The following ZNF718 variants were observed in gnomAD, a reference collection of about 807,000 sequenced individuals.
ZNF718 encodes the protein zinc finger protein 718.
A neutral mutation model predicts 2.6 loss-of-function variants in ZNF718; 3 were observed. The ratio of observed to expected loss-of-function variants is 1.16; its 90% CI spans 0.53 to 3.01. The LOEUF (loss-of-function observed/expected upper bound fraction) is 3.01, where lower values mean the gene tolerates loss of function less well. Ranked by LOEUF, ZNF718 falls within the 30% of genes most tolerant of loss-of-function variation. The pLI is 0.03. For missense variants in ZNF718, 468 were observed against 230.0 expected (o/e 2.03, Z -6.69); for synonymous variants, 135 against 77.9 (o/e 1.73, Z -3.86).
chr4:144,443 A>G (rs985468707), intron 3 of ZNF718, among the ~76,000 whole-genome samples: 6 of 152,098 alleles, frequency 3.9e-5, no homozygotes, highest in East Asian at 1.9e-4. Context: ...TTCAAATACT[A>G]TGATTCCTCC....
At chr4:135,963 T>C (rs981726365) in intron 3 of ZNF718, among the ~76,000 whole-genome samples, 6 of 151,992 alleles carry the variant, frequency 3.9e-5, no homozygotes, top group Non-Finnish European at 8.8e-5. Context: ...ACAATGATTA[T>C]AATTTCTGTA....
chr4:169,132 G>T (rs1199045728), downstream of ZNF718, among the ~76,000 whole-genome samples: 1 of 152,180 alleles, frequency 6.6e-6, no homozygotes, highest in Admixed American at 6.5e-5. Context: ...TTCAGGAGCA[G>T]GTTGTTCAGT....
intron 3 of ZNF718, among the ~76,000 whole-genome samples, chr4:185,977 G>C (rs535848142): frequency 1.3e-5 from 2 of 152,022 alleles, no homozygotes; most frequent in Non-Finnish European, 2.9e-5. Flanking sequence ...TTTAACTGGG[G>C]CACTTAACCT....
At chr4:181,464 T>G (rs1717461730) in intron 3 of ZNF718, among the ~76,000 whole-genome samples, 1 of 152,096 alleles carries the variant, frequency 6.6e-6, no homozygotes, top group South Asian at 2.1e-4. Flanking sequence ...TTTTATTTTG[T>G]GTGGTTTGAG....
At chr4:180,862 T>C (rs1717449322) in intron 3 of ZNF718, among the ~76,000 whole-genome samples, 1 of 152,218 alleles carries the variant, frequency 6.6e-6, no homozygotes, top group African/African-American at 2.4e-5. Flanking sequence ...GTTGCATTGG[T>C]AAATTATTGT....
chr4:185,590 T>C lies in ZNF718; in HGVS notation c.227-15491T>C, dbSNP rs114041483. 6.0e-3 allele frequency among the ~76,000 whole-genome samples: 907 copies of C among 152,278 alleles called. 9 individuals carry two copies. Among genetic ancestry groups the C allele is most frequent in the African/African-American group, 0.02 (843 of 41,572 alleles). On this transcript the variant is annotated intron_variant and NMD_transcript_variant, in intron 3 of 4. Coordinates refer to the ZNF718 transcript ENST00000642529. ...CTATCTTGATGTCTAATATTATCAA[T>C]GGCTTGTTAAAGTACCCCACTACTA...
downstream of ZNF718, among the ~76,000 whole-genome samples, chr4:165,131 G>T (rs1223807391): frequency 6.6e-6 from 1 of 152,042 alleles, no homozygotes; most frequent in African/African-American, 2.4e-5. Flanking sequence ...CTCCTGATTT[G>T]TGTTAGTTTT....
intron 3 of ZNF718, among the ~76,000 whole-genome samples, chr4:155,946 A>G (rs79876548): frequency 0.013 from 1,935 of 152,234 alleles, 47 homozygotes; most frequent in African/African-American, 0.044. Flanking sequence ...GGTTTTTCCC[A>G]TACTGTTTTT....
At chr4:151,795 G>A (rs541264845) in intron 3 of ZNF718, among the ~76,000 whole-genome samples, 41 of 151,738 alleles carry the variant, frequency 2.7e-4, no homozygotes, top group African/African-American at 9.4e-4. Context: ...AAGGTGGGAC[G>A]AGAGATTTGG....
At chr4:156,023 A>G (rs1421791959) in intron 3 of ZNF718, among the ~76,000 whole-genome samples, 1 of 152,064 alleles carries the variant, frequency 6.6e-6, no homozygotes, top group Non-Finnish European at 1.5e-5. Flanking sequence ...TTTGGTTCTT[A>G]TTCTCTTTCG....
intron 1 of ZNF718, 46 bp from the exon 2 acceptor site, chr4:130,741 TA>T (rs1230301067): frequency 0.12 from 26,124 of 214,804 alleles, 1 homozygote; most frequent in South Asian, 0.14. Flanking sequence ...GACTCCGTAT[TA>T]AAAAAAAAAA....
chr4:126,440 C>T (rs147201810), intron 1 of ZNF718, among the ~76,000 whole-genome samples: 1 of 152,154 alleles, frequency 6.6e-6, no homozygotes, highest in Admixed American at 6.5e-5. Flanking sequence ...TTATCTAGGA[C>T]TTGGGAACTA....
In ZNF718 at chr4:169,738, T is replaced by C. The variant is rs547374455; in HGVS notation, c.227-31343T>C. 2.6e-5 allele frequency among the ~76,000 whole-genome samples: 4 copies of C among 152,300 alleles called. No individual in the cohort carries two copies. In the South Asian group the frequency reaches 8.3e-4, roughly 32 times the overall value. On this transcript the variant is annotated intron_variant and NMD_transcript_variant, in intron 3 of 4. Transcript: ENST00000642529. Reference sequence around the variant, plus strand: ...CATCCCTTTATTTTGAGCGTATGTGTGCCTCTGCACGTGAGATGGGTTTCC... The same window carrying C: ...CATCCCTTTATTTTGAGCGTATGTGCGCCTCTGCACGTGAGATGGGTTTCC...
chr4:184,545 T>A (rs781815380), intron 3 of ZNF718, among the ~76,000 whole-genome samples: 3 of 152,032 alleles, frequency 2.0e-5, no homozygotes, highest in Non-Finnish European at 4.4e-5. Flanking sequence ...TAGGGAGGAG[T>A]CTGTCATTTT....
At chr4:196,848 G>C (rs1295543702) in intron 3 of ZNF718, among the ~76,000 whole-genome samples, 1 of 151,980 alleles carries the variant, frequency 6.6e-6, no homozygotes, top group Non-Finnish European at 1.5e-5. Flanking sequence ...TTAACTGGCT[G>C]ACAGGTGCCC....
intron 3 of ZNF718, among the ~76,000 whole-genome samples, chr4:145,019 C>T (rs1173537731): frequency 2.6e-5 from 4 of 150,988 alleles, no homozygotes; most frequent in African/African-American, 9.8e-5. Context: ...ATGGAATATT[C>T]TTTTTCATCT....
At chr4:146,795 T>C (rs1397056365) in intron 3 of ZNF718, among the ~76,000 whole-genome samples, 2 of 151,482 alleles carry the variant, frequency 1.3e-5, no homozygotes, top group African/African-American at 4.8e-5. Flanking sequence ...TATAGCTGAG[T>C]CTCCTGTTAA....
chr4:169,797 A>T (rs1173542853), intron 3 of ZNF718, among the ~76,000 whole-genome samples: 1 of 152,032 alleles, frequency 6.6e-6, no homozygotes, highest in African/African-American at 2.4e-5. Context: ...TTGACTCTTT[A>T]TCCAATTTGC....
chr4:167,285 G>T (rs1185830543), downstream of ZNF718, among the ~76,000 whole-genome samples: 1 of 152,172 alleles, frequency 6.6e-6, no homozygotes, highest in Non-Finnish European at 1.5e-5. Context: ...CAGGTAGTAT[G>T]ATGCCCCCAG....
Sources: gnomAD v4.1 joint callset for allele counts (sites outside exome capture counted in the v4.1 genomes callset) on GRCh38, gnomAD v4.1.1 for gene constraint, MANE v1.5 for transcripts, NCBI Gene and HGNC (gene_info 2026-07-23, HGNC 2026-07-21) for gene names.